The following TIPIN variants were observed in gnomAD, a reference collection of about 807,000 sequenced individuals.
TIPIN encodes the protein TIMELESS interacting protein.
TIPIN carries 29 observed loss-of-function variants against 35.6 expected under a neutral mutation model. That is an observed-to-expected ratio of 0.82 (90% CI 0.61 to 1.11). The LOEUF (loss-of-function observed/expected upper bound fraction) is 1.11, where lower values mean the gene tolerates loss of function less well. TIPIN is among the 50% of genes most tolerant of loss of function. TIPIN has a pLI of 0.00. For missense variants in TIPIN, 296 were observed against 345.4 expected (o/e 0.86, Z 1.13); for synonymous variants, 102 against 121.5 (o/e 0.84, Z 1.06).
chr15:66,383,083 C>T (rs1299984465), intron 1 of TIPIN: 1 of 636,880 alleles, frequency 1.6e-6, no homozygotes, highest in Non-Finnish European at 2.0e-6. Context: ...ACCCAGCATG[C>T]ATAGAATCAT....
intron 1 of TIPIN, among the ~76,000 whole-genome samples, chr15:66,355,062 C>G (rs1328587262): frequency 7.5e-6 from 1 of 132,740 alleles, no homozygotes; most frequent in African/African-American, 2.9e-5. Context: ...GAAGGAGTCT[C>G]GGGCTCTGTC....
At chr15:66,356,952 T>TA (rs1336929122), upstream of TIPIN, among the ~76,000 whole-genome samples, 5 of 152,118 alleles carry the variant, frequency 3.3e-5, no homozygotes, top group Non-Finnish European at 7.4e-5. Flanking sequence ...AGTCTCGCTC[T>TA]ATCACTCAGG....
At chr15:66,365,624 G>A (rs897328611) in intron 1 of TIPIN, among the ~76,000 whole-genome samples, 20 of 152,146 alleles carry the variant, frequency 1.3e-4, no homozygotes, top group African/African-American at 4.8e-4. Context: ...TCGGCTCACT[G>A]CAACCTCTGC....
rs188742663 is a variant in TIPIN, at chr15:66,366,699, G to A, written c.-8-13744C>T. On this transcript the variant is annotated intron_variant, in intron 1 of 7. Transcript: ENST00000562124. ...GGAGAATTGCTTGAACCCAGGAGGC[G>A]GAGGTTGCAGTCAGCTGAGAATGCA... is the stretch of plus-strand genomic sequence containing the variant. The A allele has an allele frequency of 7.8e-4, 359 of 457,598 alleles. 2 individuals carry two copies. Among genetic ancestry groups the A allele is most frequent in the African/African-American group, 4.9e-3 (227 of 45,976 alleles). The allele number at this position is 457,598 out of a possible 1,614,324, so 28.3% of individuals were successfully genotyped here. A position where few individuals can be genotyped will look rare whatever the true frequency, so the allele number is the denominator to read the frequency against.
chr15:66,361,947 C>G (rs759175588), intron 1 of TIPIN, among the ~76,000 whole-genome samples: 16 of 151,860 alleles, frequency 1.1e-4, no homozygotes, highest in Admixed American at 2.0e-4. Flanking sequence ...CCACTGCACT[C>G]CAGCCTGGGC....
chr15:66,337,690 T>C (rs2093054362), intron 7 of TIPIN, among the ~76,000 whole-genome samples: 1 of 150,596 alleles, frequency 6.6e-6, no homozygotes, highest in Non-Finnish European at 1.5e-5. Context: ...ATCCCAACAA[T>C]GTGGGAGGAT....
intron 1 of TIPIN, chr15:66,379,251 G>A (rs1394421669): frequency 2.0e-6 from 3 of 1,467,602 alleles, no homozygotes; most frequent in Non-Finnish European, 2.7e-6. Context: ...AAATCAACAG[G>A]TCTTTTATTA....
intron 5 of TIPIN, 59 bp downstream of exon 5, chr15:66,349,256 A>T: frequency 6.2e-7 from 1 of 1,604,606 alleles, no homozygotes; most frequent in Non-Finnish European, 8.5e-7. Flanking sequence ...TTTAGCCTCA[A>T]CTAAATCTAC....
intron 1 of TIPIN, among the ~76,000 whole-genome samples, chr15:66,374,408 A>G (rs1288532589): frequency 6.6e-6 from 1 of 151,554 alleles, no homozygotes; most frequent in East Asian, 1.9e-4. Flanking sequence ...GCCCATTTTT[A>G]AAAGTGTATT....
At chr15:66,365,086 G>A (rs1008218994) in intron 1 of TIPIN, among the ~76,000 whole-genome samples, 4 of 152,068 alleles carry the variant, frequency 2.6e-5, no homozygotes, top group African/African-American at 7.2e-5. Flanking sequence ...GAGACCCGTT[G>A]GGCTGCATTC....
chr15:66,374,414 G>C lies in TIPIN; in HGVS notation c.-9+12193C>G, dbSNP rs967612430. On this transcript the variant is annotated intron_variant, in intron 1 of 7. Transcript: ENST00000562124. ...AAGTGTTTTGCCCATTTTTAAAAGTGTATTTATTTATTTTGAGACAGGGTC... is the reference window on the plus strand; with the variant it reads ...AAGTGTTTTGCCCATTTTTAAAAGTCTATTTATTTATTTTGAGACAGGGTC... Among the ~76,000 whole-genome samples the C allele has an allele frequency of 4.0e-5, 6 of 151,658 alleles. 1 individual carries two copies. The South Asian group carries it at 1.2e-3, about 31-fold the overall frequency.
chr15:66,359,042 C>CA (rs759382097), upstream of TIPIN, among the ~76,000 whole-genome samples: 9,602 of 133,034 alleles, frequency 0.072, 1,057 homozygotes, highest in African/African-American at 0.24. Flanking sequence ...GACTCTGTCT[C>CA]AAAAAAAAAA....
intron 1 of TIPIN, among the ~76,000 whole-genome samples, chr15:66,375,192 T>C (rs1264550115): frequency 2.6e-5 from 4 of 152,082 alleles, no homozygotes; most frequent in Middle Eastern, 3.2e-3. Flanking sequence ...GGTGAGAAGA[T>C]CGCTTGAGGC....
intron 1 of TIPIN, among the ~76,000 whole-genome samples, chr15:66,362,366 T>C (rs2093235338): frequency 6.6e-6 from 1 of 151,852 alleles, no homozygotes; most frequent in South Asian, 2.1e-4. Flanking sequence ...TGTCAGACTT[T>C]TTCTAGCAGG....
Position 66,349,482 on chromosome 15 carries a change from C to T in TIPIN, c.289-45G>A, listed in dbSNP as rs776171418. 3.2e-6 allele frequency: 5 copies of T among 1,583,454 alleles called. No individual in the cohort carries two copies. In the South Asian group the frequency reaches 5.8e-5, roughly 18 times the overall value. Reference sequence around the variant, plus strand: ...ATGCTAAACAGGAGTCTCATTCTCACAGCTGACCCCGTCAGCAACTTTCAG... The same window carrying T: ...ATGCTAAACAGGAGTCTCATTCTCATAGCTGACCCCGTCAGCAACTTTCAG... On this transcript the variant is annotated intron_variant, in intron 4 of 7. Transcript: ENST00000261881.
At chr15:66,351,729 C>A in intron 3 of TIPIN, 129 bp from the exon 4 acceptor site, 1 of 722,604 alleles carries the variant, frequency 1.4e-6, no homozygotes, top group Non-Finnish European at 2.3e-6. Context: ...GCTCGGCCTC[C>A]CCCAGGTTCA....
At position 66,353,389 on chromosome 15, in the gene TIPIN, G is replaced by A. The variant is rs185837824; in HGVS notation, c.-8-434C>T. On this transcript the variant is annotated intron_variant, in intron 1 of 7. Coordinates refer to ENST00000261881, the MANE Select transcript of TIPIN (RefSeq NM_017858.3). ...TCCCAGCACTTTGGGAGGCCGAGGC[G>A]GGCGGATCACGAGGTCAGGAGATCG... 2.1e-3 allele frequency among the ~76,000 whole-genome samples: 326 copies of A among 152,038 alleles called. 4 individuals carry two copies. In the East Asian group the frequency reaches 0.021, roughly 10 times the overall value.
At chr15:66,354,167 A>G (rs1373980563) in intron 1 of TIPIN, among the ~76,000 whole-genome samples, 1 of 152,138 alleles carries the variant, frequency 6.6e-6, no homozygotes, top group Admixed American at 6.6e-5. Context: ...TGATTTATAG[A>G]TGACTCCCTG....
At chr15:66,343,294 A>G (rs1469326744) in intron 6 of TIPIN, among the ~76,000 whole-genome samples, 1 of 152,228 alleles carries the variant, frequency 6.6e-6, no homozygotes, top group Non-Finnish European at 1.5e-5. Flanking sequence ...CATCCATATT[A>G]TGAAATTAAA....
Sources: allele counts gnomAD v4.1 joint callset (sites outside exome capture counted in the v4.1 genomes callset), GRCh38; gene constraint gnomAD v4.1.1; transcripts MANE v1.5; gene names NCBI Gene and HGNC (gene_info 2026-07-23, HGNC 2026-07-21).